The following NDRG4 variants were observed in gnomAD, a reference collection of about 807,000 sequenced individuals.
The protein encoded by NDRG4 is protein NDRG4.
NDRG4 carries 38 observed loss-of-function variants against 55.8 expected under a neutral mutation model. The ratio of observed to expected loss-of-function variants is 0.68; its 90% CI spans 0.53 to 0.89. The LOEUF is 0.89. Ranked by LOEUF, NDRG4 falls within the 40% of genes least tolerant of loss-of-function variation. The pLI, the probability that NDRG4 is intolerant of heterozygous loss-of-function variation, is 0.00. For synonymous variants in NDRG4, 190 were observed against 182.7 expected, an observed-to-expected ratio of 1.04 and a Z score of -0.32; for missense variants, 455 against 468.6, an observed-to-expected ratio of 0.97 and a Z score of 0.27.
upstream of NDRG4, chr16:58,500,131 C>A (rs1276597595): frequency 1.3e-6 from 2 of 1,533,974 alleles, no homozygotes; most frequent in East Asian, 2.4e-5. Context: ...GGCCCAGGAG[C>A]TGTGCCCCAT....
At chr16:58,494,805 C>T (rs951213931) in intron 2 of NDRG4, among the ~76,000 whole-genome samples, 4 of 142,960 alleles carry the variant, frequency 2.8e-5, no homozygotes, top group African/African-American at 1.1e-4. Context: ...GCACTCCAGC[C>T]TGGGTGATAG....
chr16:58,506,220 G>A (rs551654361), intron 5 of NDRG4, 167 bp from the exon 6 acceptor site: 1 of 707,140 alleles, frequency 1.4e-6, no homozygotes, highest in South Asian at 1.5e-5. Flanking sequence ...AACTGTGAAG[G>A]GTTCAGTGAG....
intron 1 of NDRG4, chr16:58,487,718 C>T (rs999393761): frequency 6.9e-7 from 1 of 1,452,638 alleles, no homozygotes; most frequent in Non-Finnish European, 9.2e-7. Flanking sequence ...CCGGGCGTCC[C>T]CGCCGCAGCA....
chr16:58,489,932 C>T (rs959653259), intron 2 of NDRG4, among the ~76,000 whole-genome samples: 2 of 152,130 alleles, frequency 1.3e-5, no homozygotes, highest in African/African-American at 4.8e-5. Flanking sequence ...GCAGCCTCAA[C>T]TTCCTGGGCT....
chr16:58,482,558 A>G (rs1461360207), intron 1 of NDRG4, among the ~76,000 whole-genome samples: 4 of 152,130 alleles, frequency 2.6e-5, no homozygotes, highest in Non-Finnish European at 4.4e-5. Flanking sequence ...CACTGAATGT[A>G]GGACCCCCAG....
At position 58,464,382 on chromosome 16, in the gene NDRG4, G is replaced by C; in HGVS notation, c.-24+585G>C. 7.3e-7 allele frequency: 1 copy of C among 1,366,138 alleles called. No homozygotes were observed. The highest frequency in any genetic ancestry group is 9.4e-7 in the Non-Finnish European group (1 of 1,063,896). The allele number at this position is 1,366,138 out of a possible 1,614,324, so 84.6% of individuals were successfully genotyped here. On this transcript the variant is annotated intron_variant, in intron 1 of 15. Transcript: ENST00000258187. The surrounding 1 kb of genome is among the most constrained non-coding windows in gnomAD (Gnocchi z 4.8). ...GCTCCTCTCCCCGGCTCGGCCGAGC[G>C]CGCTGCCCCGACGCCGCCACCCAGA... is the stretch of plus-strand genomic sequence containing the variant.
intron 1 of NDRG4, among the ~76,000 whole-genome samples, chr16:58,469,299 G>T (rs1209711128): frequency 6.6e-6 from 1 of 152,084 alleles, no homozygotes; most frequent in East Asian, 1.9e-4. Flanking sequence ...TTGATGTGGG[G>T]GCACGTACAT....
intron 2 of NDRG4, 58 bp downstream of exon 2, chr16:58,503,961 A>T (rs1487716047): frequency 1.3e-6 from 2 of 1,589,160 alleles, no homozygotes; most frequent in Non-Finnish European, 1.7e-6. Flanking sequence ...CAGAGCGGTG[A>T]GGCCCCCCAC....
At chr16:58,493,959 G>A (rs571038190) in intron 2 of NDRG4, among the ~76,000 whole-genome samples, 51 of 152,232 alleles carry the variant, frequency 3.4e-4, no homozygotes, top group African/African-American at 1.2e-3. Context: ...TGGGCCCCTC[G>A]GCCTCAGGGA....
chr16:58,488,103 C>T (rs1188453298), intron 2 of NDRG4, among the ~76,000 whole-genome samples: 2 of 152,220 alleles, frequency 1.3e-5, no homozygotes, highest in Non-Finnish European at 2.9e-5. Flanking sequence ...GACGAGAAAA[C>T]CGAGGCACAG....
In NDRG4 at chr16:58,512,361, C is replaced by G; in HGVS notation, c.*785C>G. On this transcript the variant is annotated 3_prime_UTR_variant, in exon 15 of 15. Transcript: ENST00000570248. The stretch of plus-strand genomic sequence containing the variant: ...GGGGTGAGGGAGAAGGAGGAGAGAG[C>G]CCATGTGTGGTGTGTGTGCCCCTGA... 1 of 320,854 alleles carries G rather than the reference C, an allele frequency of 3.1e-6. No individual in the cohort carries two copies. The highest frequency in any genetic ancestry group is 2.3e-5 in the South Asian group (1 of 43,884). 19.9% of individuals were successfully genotyped at this position (320,854 alleles called of 1,614,324 possible). A position where few individuals can be genotyped will look rare whatever the true frequency, so the allele number is the denominator to read the frequency against.
chr16:58,482,691 T>TCCTTCCTCCCTC (rs2034574030), intron 1 of NDRG4, among the ~76,000 whole-genome samples: 2 of 125,702 alleles, frequency 1.6e-5, no homozygotes, highest in Non-Finnish European at 3.3e-5. Flanking sequence ...CTCCCTCCCT[T>TCCTTCCTCCCTC]CCTTCCTCCC....
intron 13 of NDRG4, among the ~76,000 whole-genome samples, chr16:58,509,727 G>A (rs1235488332): frequency 1.3e-5 from 2 of 152,204 alleles, no homozygotes; most frequent in African/African-American, 4.8e-5. Flanking sequence ...ACCCGCCCCA[G>A]GGCTTGGGGT....
At chr16:58,477,718 A>G (rs1471107143) in intron 1 of NDRG4, among the ~76,000 whole-genome samples, 1 of 151,990 alleles carries the variant, frequency 6.6e-6, no homozygotes, top group Non-Finnish European at 1.5e-5. Context: ...GGCAACCACC[A>G]AAGTAATAAT....
At chr16:58,514,710 C>A (rs2039061592), downstream of NDRG4, among the ~76,000 whole-genome samples, 1 of 144,636 alleles carries the variant, frequency 6.9e-6, no homozygotes, top group Admixed American at 7.1e-5. Flanking sequence ...CCACTGCACT[C>A]CAGCCTGGGC....
chr16:58,464,118 A>C lies in NDRG4; in HGVS notation c.-24+321A>C. The C allele has an allele frequency of 3.2e-6, 1 of 313,408 alleles. No individual in the cohort carries two copies. The highest frequency in any genetic ancestry group is 5.8e-6 in the Non-Finnish European group (1 of 172,452). The allele number at this position is 313,408 out of a possible 1,614,324, so 19.4% of individuals were successfully genotyped here. A position where few individuals can be genotyped will look rare whatever the true frequency, so the allele number is the denominator to read the frequency against. On this transcript the variant is annotated intron_variant, in intron 1 of 15. Coordinates refer to the NDRG4 transcript ENST00000258187. This position sits in a 1 kb window ranked among gnomAD's most constrained non-coding sequence, Gnocchi z 4.8. ...TTTGTTCGGGCGGCGGGCACGGGGG[A>C]CCACCTCCCACGGTGTCACCGCACC...
upstream of NDRG4, chr16:58,499,839 C>A: frequency 2.9e-6 from 1 of 344,656 alleles, no homozygotes. Context: ...CGTGTGGTCT[C>A]GGCTTTTGTA....
At chr16:58,494,844 A>AAAAG in intron 2 of NDRG4, 5 of 810,754 alleles carry the variant, frequency 6.2e-6, no homozygotes, top group Non-Finnish European at 7.8e-6. Flanking sequence ...AAAAAAAAAA[A>AAAAG]AAAGAAAAGA....
chr16:58,470,906 C>CAAAAAA lies in NDRG4; in HGVS notation c.-24+7109_-24+7110insAAAAAA, dbSNP rs142300769. Among the ~76,000 whole-genome samples, 25 of 79,750 alleles carry CAAAAAA rather than the reference C, an allele frequency of 3.1e-4. 1 individual carries two copies. Among genetic ancestry groups the CAAAAAA allele is most frequent in the African/African-American group, 8.6e-4 (14 of 16,286 alleles). 52.3% of individuals were successfully genotyped at this position (79,750 alleles called of 152,430 possible). A position where few individuals can be genotyped will look rare whatever the true frequency, so the allele number is the denominator to read the frequency against. ...TGAGCAACAGAGCAAGACACCATCTCCAAAAAAAAAAAAAAAAAAAAGAGG... is the reference window on the plus strand; with the variant it reads ...TGAGCAACAGAGCAAGACACCATCTCAAAAAACAAAAAAAAAAAAAAAAAAAAGAGG... On this transcript the variant is annotated intron_variant, in intron 1 of 15. Transcript: ENST00000258187.
Sources: allele counts gnomAD v4.1 joint callset (sites outside exome capture counted in the v4.1 genomes callset), GRCh38; gene constraint gnomAD v4.1.1; non-coding constraint Gnocchi (gnomAD v3.1); transcripts MANE v1.5; gene names NCBI Gene and HGNC (gene_info 2026-07-23, HGNC 2026-07-21).